The following ERCC1 variants were observed in gnomAD, a reference collection of about 807,000 sequenced individuals.
ERCC1 encodes DNA excision repair protein ERCC-1.
Under a neutral mutation model 37.6 loss-of-function variants are expected in ERCC1, and 36 were observed. The ratio of observed to expected loss-of-function variants is 0.96; its 90% confidence interval spans 0.73 to 1.26. The LOEUF (loss-of-function observed/expected upper bound fraction) is 1.26. ERCC1 is among the 50% of genes most tolerant of loss of function. The probability of loss-of-function intolerance (pLI) is 0.00; values close to 1 mark genes in which losing one functional copy is unlikely to be tolerated. For synonymous variants in ERCC1, 156 were observed against 162.1 expected (o/e 0.96, Z 0.28); for missense variants, 349 against 376.5 (o/e 0.93, Z 0.60).
In ERCC1 at chr19:45,416,725, C is replaced by A. The variant is rs373168238; in HGVS notation, c.602+96G>T. On this transcript the variant is annotated intron_variant, in intron 6 of 9. Transcript: ENST00000300853. ...AGGCAGTGCCTGCACCAGGCCCACA[C>A]AGGAAGGAGAAGGGAAGGGCTGGGC... 11 of 899,384 alleles carry A rather than the reference C, an allele frequency of 1.2e-5. No homozygotes were observed. In the East Asian group the frequency reaches 2.7e-4, roughly 22 times the overall value. The allele number at this position is 899,384 out of a possible 1,614,324, so 55.7% of individuals were successfully genotyped here.
intron 6 of ERCC1, among the ~76,000 whole-genome samples, chr19:45,415,262 G>A (rs1973985075): frequency 6.6e-6 from 1 of 150,638 alleles, no homozygotes; most frequent in African/African-American, 2.5e-5. Context: ...CTGAACCCGG[G>A]AGGCGGAGGT....
At chr19:45,443,534 C>T (rs1975174419) in intron 1 of ERCC1, among the ~76,000 whole-genome samples, 1 of 152,308 alleles carries the variant, frequency 6.6e-6, no homozygotes, top group Admixed American at 6.5e-5. Context: ...TCACGAGCCG[C>T]TCCCCCAGGA....
At chr19:45,414,108 G>A in intron 7 of ERCC1, 74 bp from the exon 8 acceptor site, 1 of 1,211,450 alleles carries the variant, frequency 8.3e-7, no homozygotes, top group Non-Finnish European at 1.2e-6. Context: ...GGCAGGGCTG[G>A]GTCACAGCTG....
chr19:45,436,032 C>T (rs1974966657), intron 1 of ERCC1, among the ~76,000 whole-genome samples: 1 of 152,104 alleles, frequency 6.6e-6, no homozygotes, highest in East Asian at 1.9e-4. Flanking sequence ...TCCCAAAGTG[C>T]TGAGATTACA....
chr19:45,418,335 C>T (rs1974185566), intron 5 of ERCC1, among the ~76,000 whole-genome samples: 1 of 151,680 alleles, frequency 6.6e-6, no homozygotes, highest in Admixed American at 6.6e-5. Flanking sequence ...GGCGAAAGAG[C>T]GAGACTCTGT....
chr19:45,408,011 G>T lies in ERCC1; in HGVS notation c.*1664C>A. 2 of 1,288,974 alleles carry T rather than the reference G, an allele frequency of 1.6e-6. No individual in the cohort carries two copies. The highest frequency in any genetic ancestry group is 1.0e-6 in the Non-Finnish European group (1 of 955,858). 79.8% of individuals were successfully genotyped at this position (1,288,974 alleles called of 1,614,324 possible). Reference sequence around the variant, plus strand: ...GGACATTGCAGTGAGCCGAGATCATGCCACTGCACTCCAGCCTAGGCAACA... The same window carrying T: ...GGACATTGCAGTGAGCCGAGATCATTCCACTGCACTCCAGCCTAGGCAACA... On this transcript the variant is annotated 3_prime_UTR_variant, in exon 10 of 10. Transcript: ENST00000300853.
At position 45,421,328 on chromosome 19, in the gene ERCC1, A is replaced by T. The variant is rs1242900608; in HGVS notation, c.171T>A (p.Pro57=). ...PTVDTSAQAA[P]QTYAEYAISQ... ...AGATGGCATATTCGGCGTAGGTCTG[A>T]GGGGCCGCCTGGGCCGAGGTGTCCA... is the stretch of plus-strand genomic sequence containing the variant. Residue 57 remains proline, a synonymous_variant, in exon 3 of 10, where the codon CCT becomes CCA. Coordinates refer to ENST00000300853, the MANE Select transcript of ERCC1 (RefSeq NM_001983.4). The T allele has an allele frequency of 6.2e-7, 1 of 1,614,020 alleles. No homozygotes were observed. Among genetic ancestry groups the T allele is most frequent in the Admixed American group, 1.7e-5 (1 of 60,010 alleles).
chr19:45,408,493 G>A lies in ERCC1; in HGVS notation c.*1182C>T, dbSNP rs1359322290. 2 of 1,614,008 alleles carry A rather than the reference G, an allele frequency of 1.2e-6. No individual in the cohort carries two copies. The highest frequency in any genetic ancestry group is 1.3e-5 in the African/African-American group (1 of 75,062). On this transcript the variant is annotated 3_prime_UTR_variant, in exon 10 of 10. Coordinates refer to ENST00000300853, the MANE Select transcript of ERCC1 (RefSeq NM_001983.4). Reference sequence around the variant, plus strand: ...CCAACCTGCTCACCTCAGGGAAGAAGAAAAAGGAGATGCAGGTGACAGAGG... The same window carrying A: ...CCAACCTGCTCACCTCAGGGAAGAAAAAAAAGGAGATGCAGGTGACAGAGG...
intron 5 of ERCC1, among the ~76,000 whole-genome samples, chr19:45,417,340 T>C (rs1435851736): frequency 6.6e-6 from 1 of 151,912 alleles, no homozygotes; most frequent in East Asian, 1.9e-4. Flanking sequence ...AGGGCTGCGA[T>C]GTGGGAGCCA....
intron 1 of ERCC1, among the ~76,000 whole-genome samples, chr19:45,440,078 A>G (rs934354191): frequency 2.0e-5 from 3 of 151,624 alleles, no homozygotes; most frequent in African/African-American, 7.3e-5. Context: ...CGCTGTCCCC[A>G]GCGCACCCCC....
intron 1 of ERCC1, among the ~76,000 whole-genome samples, chr19:45,443,980 TC>T (rs1337325664): frequency 1.4e-5 from 2 of 146,884 alleles, no homozygotes; most frequent in African/African-American, 5.1e-5. Flanking sequence ...CCCCTAAACT[TC>T]CAGTGTCCCC....
rs758217738 is a variant in ERCC1, at chr19:45,419,130, C to G, written c.493G>C (p.Ala165Pro). The change falls in exon 5 of 10, where the codon GCC (alanine) becomes CCC (proline). Residue 165 changes from alanine (A) to proline (P), a missense_variant. Coordinates refer to ENST00000300853, the MANE Select transcript of ERCC1 (RefSeq NM_001983.4). ...GRLQSLGKNF[A>P]LRVLLVQVDV... is the part of the protein sequence containing the mutation. ...ACCTGGACAAGCAGGACCCGCAAGG[C>G]GAAGTTCTTCCCCAGGCTCTGCAGC... 1 of 1,591,836 alleles carries G rather than the reference C, an allele frequency of 6.3e-7. No homozygotes were observed. The highest frequency in any genetic ancestry group is 8.6e-7 in the Non-Finnish European group (1 of 1,168,214).
rs745481928 is a variant in ERCC1 at position 45,409,471 on chromosome 19, G to A, written c.*204C>T. 3.1e-6 allele frequency: 5 copies of A among 1,611,612 alleles called. No homozygotes were observed. The East Asian group carries it at 1.1e-4, about 36-fold the overall frequency. On this transcript the variant is annotated 3_prime_UTR_variant, in exon 10 of 10. Coordinates refer to ENST00000300853, the MANE Select transcript of ERCC1 (RefSeq NM_001983.4). ...AGGCTCCCACAGGCCGGGACAAGAAGCGGAAGCAGCAGCAGCAGCAGCCTG... is the reference window on the plus strand; with the variant it reads ...AGGCTCCCACAGGCCGGGACAAGAAACGGAAGCAGCAGCAGCAGCAGCCTG...
rs547556569 is a variant in ERCC1 at position 45,442,121 on chromosome 19, C to T, written c.-7-18740G>A. On this transcript the variant is annotated intron_variant, in intron 1 of 8. Coordinates refer to the ERCC1 transcript ENST00000423698. ...GAGCCCAGGAGTTCAAGACCAGCCTCGACATTATAGTGAGATCTCATCTCT... is the reference window on the plus strand; with the variant it reads ...GAGCCCAGGAGTTCAAGACCAGCCTTGACATTATAGTGAGATCTCATCTCT... Among the ~76,000 whole-genome samples, 845 of 151,686 alleles carry T rather than the reference C, an allele frequency of 5.6e-3. 4 individuals carry two copies. The highest frequency in any genetic ancestry group is 0.01 in the Non-Finnish European group (685 of 67,906).
chr19:45,411,171 T>C (rs1973715020), intron 9 of ERCC1, among the ~76,000 whole-genome samples: 2 of 151,928 alleles, frequency 1.3e-5, no homozygotes, highest in South Asian at 4.1e-4. Flanking sequence ...TGTGTGTAAG[T>C]ACCACATTTT....
At chr19:45,411,711 T>C (rs1973746648) in intron 9 of ERCC1, among the ~76,000 whole-genome samples, 1 of 151,826 alleles carries the variant, frequency 6.6e-6, no homozygotes, top group African/African-American at 2.4e-5. Context: ...GGAGAATCGC[T>C]TGGATCCAGG....
chr19:45,424,923 T>TTTC (rs1974637082), upstream of ERCC1, among the ~76,000 whole-genome samples: 1 of 77,340 alleles, frequency 1.3e-5, no homozygotes, highest in African/African-American at 1.0e-4. Flanking sequence ...CTTTTTTTTC[T>TTTC]TTTTTTTTTT....
intron 6 of ERCC1, among the ~76,000 whole-genome samples, chr19:45,416,174 G>A (rs1974058275): frequency 6.6e-6 from 1 of 152,170 alleles, no homozygotes; most frequent in African/African-American, 2.4e-5. Context: ...GTATGACTTT[G>A]AAGATCAGAG....
At chr19:45,431,550 G>A (rs1272816635) in intron 1 of ERCC1, among the ~76,000 whole-genome samples, 2 of 152,086 alleles carry the variant, frequency 1.3e-5, no homozygotes, top group East Asian at 1.9e-4. Flanking sequence ...GGTGGCACAC[G>A]CCTGTAATCC....
Sources: allele counts gnomAD v4.1 joint callset (sites outside exome capture counted in the v4.1 genomes callset), GRCh38; gene constraint gnomAD v4.1.1; transcripts MANE v1.5; gene names NCBI Gene and HGNC (gene_info 2026-07-23, HGNC 2026-07-21).